TNS1: variants seen among roughly 807,000 people sequenced by gnomAD.
TNS1 encodes tensin 1, also known as tensin-1.
A neutral mutation model predicts 168.6 loss-of-function variants in TNS1; 62 were observed. The observed-to-expected ratio is 0.37, with a 90% CI of 0.30 to 0.45. The LOEUF (loss-of-function observed/expected upper bound fraction) is 0.45. Ranked by LOEUF, TNS1 falls within the 20% of genes least tolerant of loss-of-function variation. TNS1 has a pLI of 1.00. For missense variants in TNS1, 2,240 were observed against 2,339.4 expected (o/e 0.96, Z 0.88); for synonymous variants, 934 against 933.2 (o/e 1.00, Z -0.02).
intron 1 of TNS1, among the ~76,000 whole-genome samples, chr2:218,020,812 C>A (rs1195143782): frequency 6.6e-6 from 1 of 152,162 alleles, no homozygotes; most frequent in Non-Finnish European, 1.5e-5. Context: ...AAGCACTCAG[C>A]CAGATACCCC....
In TNS1 at chr2:217,813,609, G is replaced by C; in HGVS notation, c.4861+76C>G. ...GTTAAGGTCCTGCCCAGCACCCTGG[G>C]TCCCTCCAGCACCTCCAGGTTTAGC... On this transcript the variant is annotated intron_variant, in intron 26 of 32. Transcript: ENST00000682258. This position sits in a 1 kb window ranked among gnomAD's most constrained non-coding sequence, Gnocchi z 4.0. The C allele has an allele frequency of 6.5e-7, 1 of 1,528,204 alleles. No homozygotes were observed. 94.7% of individuals were successfully genotyped at this position (1,528,204 alleles called of 1,614,324 possible).
At chr2:217,810,605 G>A (rs369409482) in intron 28 of TNS1, among the ~76,000 whole-genome samples, 6 of 152,268 alleles carry the variant, frequency 3.9e-5, no homozygotes, top group South Asian at 4.1e-4. Flanking sequence ...TGGTACCCAC[G>A]TCACTGGGTT....
At chr2:217,819,779 G>T (rs1255149899) in intron 23 of TNS1, among the ~76,000 whole-genome samples, 1 of 152,112 alleles carries the variant, frequency 6.6e-6, no homozygotes, top group Non-Finnish European at 1.5e-5. Flanking sequence ...GTTGACAGGG[G>T]CCTTACATAA....
chr2:218,009,027 A>C (rs988699854), intron 1 of TNS1, among the ~76,000 whole-genome samples: 2 of 152,224 alleles, frequency 1.3e-5, no homozygotes, highest in Non-Finnish European at 2.9e-5. Context: ...GAGAAAACCA[A>C]GATACAGGCA....
chr2:217,917,917 A>T (rs1156407390), intron 4 of TNS1, among the ~76,000 whole-genome samples: 1 of 151,284 alleles, frequency 6.6e-6, no homozygotes, highest in South Asian at 2.1e-4. Context: ...GGGAATAGTA[A>T]GTGCAAAGGC....
chr2:217,900,206 G>A (rs1047664823), intron 7 of TNS1, among the ~76,000 whole-genome samples: 8 of 152,164 alleles, frequency 5.3e-5, no homozygotes, highest in Non-Finnish European at 1.0e-4. Context: ...CGTACCTTGC[G>A]GGGTTGTTGC....
At chr2:217,983,237 C>T (rs527554646) in intron 2 of TNS1, among the ~76,000 whole-genome samples, 1 of 152,190 alleles carries the variant, frequency 6.6e-6, no homozygotes, top group African/African-American at 2.4e-5. Flanking sequence ...CTTCTCTTCT[C>T]CTGAGTCCTC....
At chr2:217,838,823 G>T (rs1945523848) in intron 19 of TNS1, among the ~76,000 whole-genome samples, 1 of 152,116 alleles carries the variant, frequency 6.6e-6, no homozygotes, top group Non-Finnish European at 1.5e-5. Flanking sequence ...GCCAAGCTAG[G>T]GTGTCTGGAC....
intron 6 of TNS1, among the ~76,000 whole-genome samples, chr2:217,901,281 C>A (rs1013409251): frequency 2.0e-5 from 3 of 152,200 alleles, no homozygotes; most frequent in African/African-American, 7.2e-5. Context: ...TTACTTAACC[C>A]CTCTGAGCCT....
intron 1 of TNS1, among the ~76,000 whole-genome samples, chr2:218,022,519 C>T (rs547045136): frequency 6.6e-6 from 1 of 152,258 alleles, no homozygotes; most frequent in Admixed American, 6.5e-5. Flanking sequence ...CACAGGCACA[C>T]ACGGCCTCCT....
At chr2:217,833,889 A>G (rs1559194641) in intron 21 of TNS1, among the ~76,000 whole-genome samples, 1 of 152,254 alleles carries the variant, frequency 6.6e-6, no homozygotes, top group Non-Finnish European at 1.5e-5. Flanking sequence ...AATGAATTTC[A>G]CCAGTTTCTT....
Position 217,812,426 on chromosome 2 carries a change from G to A in TNS1, c.4974C>T (p.Val1658=), listed in dbSNP as rs755843220. The A allele has an allele frequency of 6.2e-7, 1 of 1,614,102 alleles. No individual in the cohort carries two copies. The highest frequency in any genetic ancestry group is 8.5e-7 in the Non-Finnish European group (1 of 1,180,010). Residue 1658 remains valine (V), a synonymous_variant, in exon 28 of 33, where the codon GTC becomes GTT. Transcript: ENST00000682258. ...EPNFGSLSAL[V]YQHSIIPLAL... ...CCAATGGGATGATGGAGTGCTGGTA[G>A]ACCAGGGCAGACAGCGATCCTGTAG...
Position 217,986,814 on chromosome 2 carries a change from T to C in TNS1, c.148+4128A>G, listed in dbSNP as rs1958206758. ...TTTGGTACCGTGCTCCATGATTGTC[T>C]GACTGTGTCTGTCTTCCCAGGTAAG... On this transcript the variant is annotated intron_variant, in intron 2 of 32. Coordinates refer to ENST00000682258, the MANE Select transcript of TNS1 (RefSeq NM_001387777.1). This position sits in a 1 kb window ranked among gnomAD's most constrained non-coding sequence, Gnocchi z 4.7. The C allele has an allele frequency of 6.6e-6, 1 of 152,318 alleles. No individual in the cohort carries two copies. Among genetic ancestry groups the C allele is most frequent in the Non-Finnish European group, 1.5e-5 (1 of 68,130 alleles). 9.4% of individuals were successfully genotyped at this position (152,318 alleles called of 1,614,324 possible). A position where few individuals can be genotyped will look rare whatever the true frequency, so the allele number is the denominator to read the frequency against.
chr2:217,918,623 C>T lies in TNS1; in HGVS notation c.228+1572G>A, dbSNP rs140058897. 7.3e-3 allele frequency among the ~76,000 whole-genome samples: 1,109 copies of T among 152,330 alleles called. 8 individuals carry two copies. Among genetic ancestry groups the T allele is most frequent in the Middle Eastern group, 0.027 (8 of 294 alleles). Reference sequence around the variant, plus strand: ...GCTCATGAGACTCCCAGCAGCCAGACATCTAGCTTCTGCCTGGTGGTCCCT... The same window carrying T: ...GCTCATGAGACTCCCAGCAGCCAGATATCTAGCTTCTGCCTGGTGGTCCCT... On this transcript the variant is annotated intron_variant, in intron 4 of 32. Coordinates refer to ENST00000682258, the MANE Select transcript of TNS1 (RefSeq NM_001387777.1).
chr2:218,027,204 TC>T (rs1475022708), intron 1 of TNS1, among the ~76,000 whole-genome samples: 1 of 152,032 alleles, frequency 6.6e-6, no homozygotes, highest in African/African-American at 2.4e-5. Flanking sequence ...CCTGTCGTCT[TC>T]CACCCTGAGC....
chr2:217,949,093 C>T (rs1162462058), intron 3 of TNS1, among the ~76,000 whole-genome samples: 1 of 152,202 alleles, frequency 6.6e-6, no homozygotes, highest in Non-Finnish European at 1.5e-5. Context: ...GGGTTCAGCA[C>T]CAAGAGCCTC....
At chr2:217,841,408 G>A (rs768516745) in intron 19 of TNS1, 15 of 263,330 alleles carry the variant, frequency 5.7e-5, no homozygotes, top group Non-Finnish European at 8.8e-5. Flanking sequence ...GAAACACAGA[G>A]AGTGCAGGGG....
At chr2:217,814,418 C>T (rs1390980904) in intron 25 of TNS1, among the ~76,000 whole-genome samples, 2 of 152,192 alleles carry the variant, frequency 1.3e-5, no homozygotes, top group African/African-American at 4.8e-5. Flanking sequence ...AGCAGGACAG[C>T]AGCACAGGGA....
intron 32 of TNS1, among the ~76,000 whole-genome samples, chr2:217,806,178 C>G (rs865993026): frequency 1.3e-5 from 2 of 152,228 alleles, no homozygotes; most frequent in Non-Finnish European, 2.9e-5. Flanking sequence ...CGAGCCTGCC[C>G]TCCCCTGATA....
Sources: allele counts gnomAD v4.1 joint callset (sites outside exome capture counted in the v4.1 genomes callset), GRCh38; gene constraint gnomAD v4.1.1; non-coding constraint Gnocchi (gnomAD v3.1); transcripts MANE v1.5; gene names NCBI Gene and HGNC (gene_info 2026-07-23, HGNC 2026-07-21).